GPAT3: variants seen among roughly 807,000 people sequenced by gnomAD.
GPAT3 encodes 1-AGP acyltransferase 9.
GPAT3 carries 53 observed loss-of-function variants against 58.8 expected under a neutral mutation model. The ratio of observed to expected loss-of-function variants is 0.90; its 90% CI spans 0.72 to 1.13. The LOEUF is 1.13. Ranked by LOEUF, GPAT3 falls within the 50% of genes most tolerant of loss-of-function variation. The pLI is 0.00. For missense variants in GPAT3, 511 were observed against 527.6 expected, an observed-to-expected ratio of 0.97 and a Z score of 0.31; for synonymous variants, 197 against 187.4, an observed-to-expected ratio of 1.05 and a Z score of -0.42.
chr4:83,597,145 T>C (rs1161939705), intron 8 of GPAT3, among the ~76,000 whole-genome samples: 1 of 152,188 alleles, frequency 6.6e-6, no homozygotes, highest in Non-Finnish European at 1.5e-5. Flanking sequence ...AGAGCAGAAT[T>C]GTCCGTGACT....
At chr4:83,537,588 A>AGT (rs1724147466) in intron 1 of GPAT3, among the ~76,000 whole-genome samples, 1 of 130,940 alleles carries the variant, frequency 7.6e-6, no homozygotes, top group East Asian at 2.2e-4. Flanking sequence ...TTATATGTAT[A>AGT]ATATGTGTGT....
chr4:83,571,884 TG>T (rs1725623732), intron 2 of GPAT3, among the ~76,000 whole-genome samples: 2 of 152,028 alleles, frequency 1.3e-5, no homozygotes, highest in Non-Finnish European at 1.5e-5. Flanking sequence ...GCAATTCTCC[TG>T]TGTCAGCCTC....
chr4:83,581,597 G>A lies in GPAT3; in HGVS notation c.244G>A (p.Gly82Arg), dbSNP rs764066641. The A allele has an allele frequency of 6.2e-7, 1 of 1,613,986 alleles. No homozygotes were observed. Among genetic ancestry groups the A allele is most frequent in the African/African-American group, 1.3e-5 (1 of 74,904 alleles). The change falls in exon 3 of 12, where the codon GGG becomes AGG. Residue 82 changes from glycine to arginine, a missense_variant. By Grantham distance (125) the Gly-to-Arg change is moderately radical. Transcript: ENST00000264409. The part of the protein sequence containing the change: ...IQRDESPMEK[G>R]LSGLRGRDFE... ...AAGAGATGAGTCACCCATGGAAAAA[G>A]GGCTCTCTGGTCTACGAGGAAGGGA...
chr4:83,570,119 A>G (rs932421421), intron 2 of GPAT3, among the ~76,000 whole-genome samples: 3 of 152,194 alleles, frequency 2.0e-5, no homozygotes, highest in African/African-American at 7.2e-5. Flanking sequence ...GGTTAGAGCG[A>G]TGTGAAACTT....
chr4:83,579,420 G>T (rs902292187), intron 2 of GPAT3, among the ~76,000 whole-genome samples: 1 of 151,016 alleles, frequency 6.6e-6, no homozygotes, highest in African/African-American at 2.4e-5. Flanking sequence ...AGCCTCCCAA[G>T]TAGCTGGGAC....
At chr4:83,596,966 A>C (rs1025101724) in intron 8 of GPAT3, 53 bp downstream of exon 8, 9 of 1,514,070 alleles carry the variant, frequency 5.9e-6, no homozygotes, top group Middle Eastern at 1.7e-4. Context: ...AACCATCAAA[A>C]GTGTGTGAGG....
At chr4:83,555,046 C>T (rs1724899202) in intron 2 of GPAT3, among the ~76,000 whole-genome samples, 2 of 152,116 alleles carry the variant, frequency 1.3e-5, no homozygotes, top group African/African-American at 2.4e-5. Flanking sequence ...TCAGGTGATC[C>T]ACCTGCCTTG....
At chr4:83,577,765 T>A (rs1413123595) in intron 2 of GPAT3, among the ~76,000 whole-genome samples, 4 of 150,832 alleles carry the variant, frequency 2.7e-5, no homozygotes, top group Non-Finnish European at 1.5e-5. Context: ...GGCTTATGGG[T>A]ATGAAGGAGT....
chr4:83,605,435 C>T lies in GPAT3; in HGVS notation c.*668C>T, dbSNP rs1339067032. The stretch of plus-strand genomic sequence containing the variant: ...CCACATTTTAACCAGCAACTGGTAA[C>T]AAAGAGCTTAGTTTTCCTTGTTTGA... On this transcript the variant is annotated 3_prime_UTR_variant, in exon 12 of 12. Transcript: ENST00000264409. 6.6e-6 allele frequency: 1 copy of T among 152,146 alleles called. No individual in the cohort carries two copies. The highest frequency in any genetic ancestry group is 1.5e-5 in the Non-Finnish European group (1 of 68,030). The allele number at this position is 152,146 out of a possible 1,614,324, so 9.4% of individuals were successfully genotyped here.
At chr4:83,547,497 C>T (rs1395894422) in intron 2 of GPAT3, among the ~76,000 whole-genome samples, 1 of 151,934 alleles carries the variant, frequency 6.6e-6, no homozygotes, top group Non-Finnish European at 1.5e-5. Context: ...TGTGATCTGC[C>T]CACCTCGGCC....
At chr4:83,535,627 G>A (rs1724048644), upstream of GPAT3, 4 of 842,170 alleles carry the variant, frequency 4.7e-6, no homozygotes, top group African/African-American at 1.8e-5. Context: ...ATACTTAGCC[G>A]CAGGGTTTCT....
intron 2 of GPAT3, among the ~76,000 whole-genome samples, chr4:83,571,552 TTTGTTGAAAAATTAGACA>T (rs1364028657): frequency 6.6e-6 from 1 of 151,644 alleles, no homozygotes; most frequent in Non-Finnish European, 1.5e-5. Context: ...GTATATATAC[TTTGTTGAAAAATTAGACA>T]TTGCAGAAGT....
chr4:83,597,560 T>C (rs182174664), intron 9 of GPAT3, 45 bp downstream of exon 9: 2 of 1,295,984 alleles, frequency 1.5e-6, no homozygotes, highest in East Asian at 2.7e-5. Context: ...TATAAAGATA[T>C]TGGATTGGTA....
intron 2 of GPAT3, among the ~76,000 whole-genome samples, chr4:83,555,942 G>A (rs1417094704): frequency 6.6e-6 from 1 of 152,196 alleles, no homozygotes. Flanking sequence ...GTGTTTTGGT[G>A]AGAGTATAGT....
In GPAT3 at chr4:83,547,441, A is replaced by G. The variant is rs568573508; in HGVS notation, c.208+2839A>G. ...CTAATTTTTTGTATTTTTAGTAGAG[A>G]CGGGGTTTCACCGTGTTAGCCAGGA... On this transcript the variant is annotated intron_variant, in intron 2 of 11. Transcript: ENST00000264409. Among the ~76,000 whole-genome samples the G allele has an allele frequency of 1.3e-4, 20 of 151,324 alleles. No individual in the cohort carries two copies. The East Asian group carries it at 2.7e-3, about 21-fold the overall frequency.
chr4:83,550,571 C>CA (rs1724716274), intron 2 of GPAT3, among the ~76,000 whole-genome samples: 1 of 152,090 alleles, frequency 6.6e-6, no homozygotes, highest in African/African-American at 2.4e-5. Flanking sequence ...AATTTAGATA[C>CA]AAAATCTCAT....
At chr4:83,566,045 G>T (rs897534711) in intron 2 of GPAT3, among the ~76,000 whole-genome samples, 1 of 152,072 alleles carries the variant, frequency 6.6e-6, no homozygotes, top group East Asian at 1.9e-4. Context: ...TTATTTCCCC[G>T]AGCAACCTGT....
intron 2 of GPAT3, among the ~76,000 whole-genome samples, chr4:83,562,795 T>TATTG (rs1553945041): frequency 5.3e-5 from 8 of 150,508 alleles, no homozygotes; most frequent in Non-Finnish European, 1.2e-4. Flanking sequence ...TAGAAAGAGA[T>TATTG]ATAGATAGAT....
intron 2 of GPAT3, 132 bp downstream of exon 2, chr4:83,544,734 G>T: frequency 1.2e-6 from 1 of 866,058 alleles, no homozygotes; most frequent in Non-Finnish European, 1.8e-6. Context: ...TTCTGTCAGT[G>T]TAAAATTGCA....
Sources: gnomAD v4.1 joint callset for allele counts (sites outside exome capture counted in the v4.1 genomes callset) on GRCh38, gnomAD v4.1.1 for gene constraint, MANE v1.5 for transcripts, NCBI Gene and HGNC (gene_info 2026-07-23, HGNC 2026-07-21) for gene names.